The following SLC25A48 variants were observed in gnomAD, a reference collection of about 807,000 sequenced individuals.
SLC25A48 encodes solute carrier family 25 member 48, also known as CTC-321K16.1.
SLC25A48 carries 29 observed loss-of-function variants against 32.2 expected under a neutral mutation model. The ratio of observed to expected loss-of-function variants is 0.90; its 90% CI spans 0.67 to 1.23. The LOEUF (loss-of-function observed/expected upper bound fraction) is 1.23, where lower values mean the gene tolerates loss of function less well. Among genes scored for constraint, SLC25A48 ranks in the 50% most tolerant of loss-of-function variants. The probability of loss-of-function intolerance (pLI) is 0.00; values close to 1 mark genes in which losing one functional copy is unlikely to be tolerated. For missense variants in SLC25A48, 399 were observed against 422.7 expected (o/e 0.94, Z 0.49); for synonymous variants, 164 against 172.3 (o/e 0.95, Z 0.38).
Position 135,650,514 on chromosome 5 carries a change from AG to A in SLC25A48, c.-521+15561del, listed in dbSNP as rs1310341900. On this transcript the variant is annotated intron_variant, in intron 3 of 10. Transcript: ENST00000646290. ...CTTGGAGAAGGATGACTCCAGGACA[AG>A]GGATGACCCTGAACAAAAAGTGCAG... is the stretch of plus-strand genomic sequence containing the variant. 4.9e-5 allele frequency: 22 copies of A among 446,082 alleles called. 1 individual carries two copies. Among genetic ancestry groups the A allele is most frequent in the South Asian group, 3.2e-4 (20 of 62,658 alleles). 27.6% of individuals were successfully genotyped at this position (446,082 alleles called of 1,614,324 possible).
At chr5:135,603,092 A>G (rs1338427136) in intron 1 of SLC25A48, among the ~76,000 whole-genome samples, 1 of 152,202 alleles carries the variant, frequency 6.6e-6, no homozygotes, top group East Asian at 1.9e-4. Flanking sequence ...CCCCTGACCA[A>G]ATCAAATAGG....
At chr5:135,787,522 T>C (rs4613699) in intron 3 of SLC25A48, among the ~76,000 whole-genome samples, 37,174 of 152,030 alleles carry the variant, frequency 0.24, 4,994 homozygotes, top group East Asian at 0.44. Context: ...GTTATATTAT[T>C]TGTTATATTC....
chr5:135,724,399 C>T (rs1012117410), intron 3 of SLC25A48, among the ~76,000 whole-genome samples: 20 of 139,186 alleles, frequency 1.4e-4, no homozygotes, highest in Middle Eastern at 3.9e-3. Context: ...CTCAGGTAGG[C>T]GTGAGCCCCT....
chr5:135,876,125 C>CT (rs1762015222), intron 6 of SLC25A48: 1 of 74,738 alleles, frequency 1.3e-5, no homozygotes, highest in African/African-American at 6.3e-5. Context: ...TCTTTTTTTT[C>CT]TTCTTCTTTT....
At chr5:135,878,539 C>T (rs915624715) in intron 6 of SLC25A48, among the ~76,000 whole-genome samples, 1 of 152,154 alleles carries the variant, frequency 6.6e-6, no homozygotes, top group Admixed American at 6.5e-5. Context: ...TGTCCATCAG[C>T]CCCTTTCCCA....
intron 3 of SLC25A48, among the ~76,000 whole-genome samples, chr5:135,671,955 A>C (rs2188919): frequency 0.69 from 103,449 of 150,478 alleles, 35,825 homozygotes; most frequent in Middle Eastern, 0.8. Flanking sequence ...AGAAGCCCCC[A>C]ATCCCTGGCT....
Position 135,611,023 on chromosome 5 carries a change from A to C in SLC25A48, c.-848-18214A>C, listed in dbSNP as rs1411597190. ...ATAGTGTTGAGGGATGGATTAATAAAGGTGGGAGTGTTCCATGTGTCTGGA... is the reference window on the plus strand; with the variant it reads ...ATAGTGTTGAGGGATGGATTAATAACGGTGGGAGTGTTCCATGTGTCTGGA... On this transcript the variant is annotated intron_variant, in intron 1 of 10. Transcript: ENST00000646290. Among the ~76,000 whole-genome samples, 5 of 152,250 alleles carry C rather than the reference A, an allele frequency of 3.3e-5. No individual in the cohort carries two copies. The East Asian group carries it at 9.6e-4, about 29-fold the overall frequency.
At chr5:135,835,006 C>T in intron 1 of SLC25A48, 113 bp downstream of exon 1, 1 of 1,323,546 alleles carries the variant, frequency 7.6e-7, no homozygotes, top group Non-Finnish European at 1.1e-6. Flanking sequence ...CCCCGTTGTG[C>T]GCGCAGCCTG....
intron 3 of SLC25A48, among the ~76,000 whole-genome samples, chr5:135,755,129 A>G (rs942452362): frequency 6.6e-6 from 1 of 152,088 alleles, no homozygotes; most frequent in Non-Finnish European, 1.5e-5. Flanking sequence ...TTAATGAAAT[A>G]TTGCAGCGTT....
At chr5:135,600,762 A>C (rs1751777027) in intron 1 of SLC25A48, among the ~76,000 whole-genome samples, 1 of 151,694 alleles carries the variant, frequency 6.6e-6, no homozygotes, top group Non-Finnish European at 1.5e-5. Flanking sequence ...GGCTCACTGC[A>C]ACCTCCATCT....
At chr5:135,681,042 A>G (rs1248371280) in intron 3 of SLC25A48, among the ~76,000 whole-genome samples, 2 of 151,722 alleles carry the variant, frequency 1.3e-5, no homozygotes, top group African/African-American at 4.8e-5. Flanking sequence ...ATAGAGTGCA[A>G]TTGCACGATC....
chr5:135,641,169 G>A (rs1752828984), intron 3 of SLC25A48, among the ~76,000 whole-genome samples: 1 of 152,204 alleles, frequency 6.6e-6, no homozygotes, highest in South Asian at 2.1e-4. Context: ...TTAATCAGAA[G>A]CTTGGCTTGG....
intron 3 of SLC25A48, among the ~76,000 whole-genome samples, chr5:135,783,314 G>A (rs1756764132): frequency 8.6e-6 from 1 of 116,648 alleles, no homozygotes; most frequent in African/African-American, 2.6e-5. Flanking sequence ...TCCCAATATT[G>A]CAGGGGGTGT....
intron 3 of SLC25A48, among the ~76,000 whole-genome samples, chr5:135,728,642 A>G (rs1392819950): frequency 6.6e-6 from 1 of 152,154 alleles, no homozygotes; most frequent in Non-Finnish European, 1.5e-5. Flanking sequence ...AACATACTCA[A>G]TTACTTCCTC....
chr5:135,688,845 A>G (rs1057439579), intron 3 of SLC25A48, among the ~76,000 whole-genome samples: 1 of 152,200 alleles, frequency 6.6e-6, no homozygotes, highest in Non-Finnish European at 1.5e-5. Flanking sequence ...ACTGGGAGTC[A>G]ATGTCAATGG....
chr5:135,800,752 G>A (rs530344760), intron 3 of SLC25A48, among the ~76,000 whole-genome samples: 2 of 151,832 alleles, frequency 1.3e-5, no homozygotes, highest in South Asian at 2.1e-4. Flanking sequence ...ATATCACGGG[G>A]TGTGTACACT....
intron 4 of SLC25A48, among the ~76,000 whole-genome samples, chr5:135,868,669 C>T (rs1028901120): frequency 5.8e-5 from 5 of 85,986 alleles, no homozygotes; most frequent in Non-Finnish European, 1.1e-4. Flanking sequence ...TATACACACA[C>T]ACACACATAC....
intron 3 of SLC25A48, among the ~76,000 whole-genome samples, chr5:135,798,255 TGTGA>T (rs1285478526): frequency 1.3e-5 from 2 of 151,862 alleles, no homozygotes; most frequent in Admixed American, 1.3e-4. Flanking sequence ...ACACCATCCC[TGTGA>T]TATTGTTTCT....
chr5:135,711,625 A>T (rs1023380693), intron 3 of SLC25A48, among the ~76,000 whole-genome samples: 2 of 152,188 alleles, frequency 1.3e-5, no homozygotes, highest in African/African-American at 4.8e-5. Context: ...TCTCCCAGGA[A>T]CATATAGAAC....
Sources: allele counts gnomAD v4.1 joint callset (sites outside exome capture counted in the v4.1 genomes callset), GRCh38; gene constraint gnomAD v4.1.1; transcripts MANE v1.5; gene names NCBI Gene and HGNC (gene_info 2026-07-23, HGNC 2026-07-21).